The following RPAP2 variants were observed in gnomAD, a reference collection of about 807,000 sequenced individuals.
The protein encoded by RPAP2 is putative RNA polymerase II subunit B1 CTD phosphatase RPAP2.
In RPAP2, 52 loss-of-function variants were observed where a neutral mutation model predicts 73.1. The ratio of observed to expected loss-of-function variants is 0.71; its 90% CI spans 0.57 to 0.90. RPAP2 has a LOEUF of 0.90. Ranked by LOEUF, RPAP2 falls within the 40% of genes least tolerant of loss-of-function variation. The pLI, the probability that RPAP2 is intolerant of heterozygous loss-of-function variation, is 0.00. For synonymous variants in RPAP2, 225 were observed against 242.1 expected, an observed-to-expected ratio of 0.93 and a Z score of 0.65; for missense variants, 598 against 701.8, an observed-to-expected ratio of 0.85 and a Z score of 1.67.
At chr1:92,301,337 ATATTTTTATTCAAAAAATTT>A in intron 2 of RPAP2, 119 bp from the exon 3 acceptor site, 1 of 357,006 alleles carries the variant, frequency 2.8e-6, no homozygotes, top group South Asian at 6.3e-5. Context: ...AAAGAAATAA[ATATTTTTATTCAAAAAATTT>A]TTTAAATATA....
chr1:92,353,623 T>A (rs1654322769), intron 11 of RPAP2, among the ~76,000 whole-genome samples: 2 of 152,184 alleles, frequency 1.3e-5, no homozygotes, highest in South Asian at 4.1e-4. Context: ...ATAAAATTCA[T>A]TTTTTGTTTC....
At chr1:92,365,630 C>T (rs942037871) in intron 11 of RPAP2, among the ~76,000 whole-genome samples, 3 of 152,058 alleles carry the variant, frequency 2.0e-5, no homozygotes, top group African/African-American at 2.4e-5. Context: ...TTTCTAAAAT[C>T]GTTAATAGTT....
At chr1:92,302,852 G>A (rs1437066569) in intron 3 of RPAP2, among the ~76,000 whole-genome samples, 4 of 151,536 alleles carry the variant, frequency 2.6e-5, no homozygotes, top group Non-Finnish European at 5.9e-5. Context: ...CGCCCGCGTC[G>A]GCCTCCCAAA....
chr1:92,320,741 T>C (rs924738126), intron 7 of RPAP2, 107 bp downstream of exon 7: 1 of 772,390 alleles, frequency 1.3e-6, no homozygotes, highest in Non-Finnish European at 2.1e-6. Flanking sequence ...TGATGCATTA[T>C]GTAAGTGTCC....
intron 11 of RPAP2, among the ~76,000 whole-genome samples, chr1:92,352,116 G>A (rs1357563417): frequency 1.3e-5 from 2 of 152,168 alleles, no homozygotes; most frequent in Non-Finnish European, 2.9e-5. Flanking sequence ...AAGCTTTCAA[G>A]ACCATCTCCA....
At chr1:92,299,658 C>T (rs1228186289) in intron 1 of RPAP2, among the ~76,000 whole-genome samples, 2 of 152,178 alleles carry the variant, frequency 1.3e-5, no homozygotes, top group Non-Finnish European at 2.9e-5. Flanking sequence ...GAAGAAAATT[C>T]AATCCCCAAA....
intron 11 of RPAP2, among the ~76,000 whole-genome samples, chr1:92,375,831 AAAAC>A (rs369683990): frequency 0.013 from 2,008 of 151,672 alleles, 54 homozygotes; most frequent in African/African-American, 0.045. Context: ...ACTCTGTCTC[AAAAC>A]AAACAAACAA....
intron 11 of RPAP2, among the ~76,000 whole-genome samples, chr1:92,368,210 C>T (rs551207069): frequency 2.0e-5 from 3 of 152,108 alleles, no homozygotes; most frequent in Non-Finnish European, 4.4e-5. Flanking sequence ...GAAACCCCAT[C>T]TCTAATAAAA....
At chr1:92,345,101 A>G (rs1653808814) in intron 10 of RPAP2, among the ~76,000 whole-genome samples, 1 of 151,916 alleles carries the variant, frequency 6.6e-6, no homozygotes, top group Non-Finnish European at 1.5e-5. Flanking sequence ...TATTAAGCCA[A>G]CTCTCATTTC....
In RPAP2 at chr1:92,400,103, T is replaced by C. The variant is rs1321283578; in HGVS notation, c.*13092T>C. On this transcript the variant is annotated 3_prime_UTR_variant, in exon 13 of 13. Transcript: ENST00000610020. ...ACTCCTTGTCTATGGCTCATCTAAC[T>C]AAGCAACAAAAAGCCCAATGAGCTC... 2.0e-5 allele frequency: 3 copies of C among 152,116 alleles called. No homozygotes were observed. Among genetic ancestry groups the C allele is most frequent in the Admixed American group, 1.3e-4 (2 of 15,262 alleles). The allele number at this position is 152,116 out of a possible 1,614,324, so 9.4% of individuals were successfully genotyped here. A position where few individuals can be genotyped will look rare whatever the true frequency, so the allele number is the denominator to read the frequency against.
At chr1:92,375,602 G>A (rs1271773962) in intron 11 of RPAP2, among the ~76,000 whole-genome samples, 1 of 152,134 alleles carries the variant, frequency 6.6e-6, no homozygotes, top group Admixed American at 6.6e-5. Flanking sequence ...AGGCCTACGC[G>A]GGCAGATCAC....
intron 8 of RPAP2, among the ~76,000 whole-genome samples, chr1:92,331,797 T>G (rs1652986635): frequency 6.6e-6 from 1 of 152,190 alleles, no homozygotes; most frequent in African/African-American, 2.4e-5. Context: ...GCCTTGTGCC[T>G]GAAGAATATA....
At chr1:92,337,726 CTGT>C (rs1261048836) in intron 10 of RPAP2, among the ~76,000 whole-genome samples, 1 of 151,936 alleles carries the variant, frequency 6.6e-6, no homozygotes, top group Non-Finnish European at 1.5e-5. Context: ...TATTATATAT[CTGT>C]TGTTTATATA....
intron 11 of RPAP2, among the ~76,000 whole-genome samples, chr1:92,376,443 A>C (rs1655390609): frequency 6.6e-6 from 1 of 152,216 alleles, no homozygotes; most frequent in Non-Finnish European, 1.5e-5. Flanking sequence ...ACTTTCCAAG[A>C]ATATAATTAT....
At chr1:92,311,124 A>G (rs1651571533) in intron 6 of RPAP2, among the ~76,000 whole-genome samples, 1 of 152,144 alleles carries the variant, frequency 6.6e-6, no homozygotes, top group African/African-American at 2.4e-5. Flanking sequence ...ATTGGTCCTG[A>G]TCTGCAGTTT....
chr1:92,320,701 A>G (rs961192818), intron 7 of RPAP2, 67 bp downstream of exon 7: 2 of 1,258,530 alleles, frequency 1.6e-6, no homozygotes, highest in East Asian at 4.7e-5. Context: ...GGAGTGAACC[A>G]GGTGATATGA....
chr1:92,368,510 G>T (rs1366239659), intron 11 of RPAP2, among the ~76,000 whole-genome samples: 4 of 152,122 alleles, frequency 2.6e-5, no homozygotes, highest in African/African-American at 9.7e-5. Flanking sequence ...ATATTTTTCT[G>T]TTGACAGAAT....
intron 8 of RPAP2, 149 bp downstream of exon 8, chr1:92,324,524 C>T: frequency 1.6e-6 from 1 of 638,524 alleles, no homozygotes; most frequent in Non-Finnish European, 2.7e-6. Context: ...TTTACAGTGC[C>T]ATCTCCACTG....
At chr1:92,311,974 C>G (rs1651618862) in intron 6 of RPAP2, among the ~76,000 whole-genome samples, 1 of 152,088 alleles carries the variant, frequency 6.6e-6, no homozygotes, top group African/African-American at 2.4e-5. Context: ...GTGGTGGTGT[C>G]TATAGGTTGG....
Sources: gnomAD v4.1 joint callset for allele counts (sites outside exome capture counted in the v4.1 genomes callset) on GRCh38, gnomAD v4.1.1 for gene constraint, MANE v1.5 for transcripts, NCBI Gene and HGNC (gene_info 2026-07-23, HGNC 2026-07-21) for gene names.